The following NELL1 variants were observed in gnomAD, a reference collection of about 807,000 sequenced individuals.
NELL1 encodes the protein neural EGFL like 1.
A neutral mutation model predicts 107.4 loss-of-function variants in NELL1; 76 were observed. The observed-to-expected ratio is 0.71, with a 90% CI of 0.59 to 0.86. The LOEUF (loss-of-function observed/expected upper bound fraction) is 0.86, where lower values mean the gene tolerates loss of function less well. NELL1 is among the 40% of genes least tolerant of loss of function. The probability of loss-of-function intolerance (pLI) is 0.00; values close to 1 mark genes in which losing one functional copy is unlikely to be tolerated. For synonymous variants in NELL1, 353 were observed against 341.2 expected, an observed-to-expected ratio of 1.03 and a Z score of -0.38; for missense variants, 1,024 against 1,005.5, an observed-to-expected ratio of 1.02 and a Z score of -0.25.
At chr11:20,931,674 T>C (rs1473754130) in intron 9 of NELL1, among the ~76,000 whole-genome samples, 3 of 152,342 alleles carry the variant, frequency 2.0e-5, no homozygotes, top group East Asian at 3.9e-4. Flanking sequence ...CTGGATTGTA[T>C]TGTTTGGATT....
intron 14 of NELL1, among the ~76,000 whole-genome samples, chr11:21,343,660 C>T (rs1850623998): frequency 6.6e-6 from 1 of 152,034 alleles, no homozygotes; most frequent in Non-Finnish European, 1.5e-5. Context: ...TCAAAATTAC[C>T]CAGTTTTGCC....
chr11:21,129,674 A>G (rs776122272), intron 13 of NELL1, among the ~76,000 whole-genome samples: 1 of 152,236 alleles, frequency 6.6e-6, no homozygotes, highest in Admixed American at 6.5e-5. Context: ...CAAACACTGC[A>G]TGATTCCACT....
chr11:20,685,780 C>G (rs1854292616), intron 2 of NELL1, among the ~76,000 whole-genome samples: 1 of 151,912 alleles, frequency 6.6e-6, no homozygotes, highest in African/African-American at 2.4e-5. Flanking sequence ...CAGATTTTAA[C>G]CCAGAAGTAG....
At chr11:21,210,379 T>G (rs1320417756) in intron 13 of NELL1, among the ~76,000 whole-genome samples, 20 of 152,144 alleles carry the variant, frequency 1.3e-4, no homozygotes, top group Admixed American at 6.6e-5. Context: ...TTCCTCCATT[T>G]CTTGCCAACT....
intron 15 of NELL1, among the ~76,000 whole-genome samples, chr11:21,410,486 T>A (rs1440946853): frequency 6.6e-6 from 1 of 152,014 alleles, no homozygotes; most frequent in Middle Eastern, 3.2e-3. Context: ...TTATATTTTT[T>A]ATTCTTTTTT....
intron 12 of NELL1, among the ~76,000 whole-genome samples, chr11:21,087,438 G>A (rs879309085): frequency 6.6e-6 from 1 of 152,060 alleles, no homozygotes; most frequent in East Asian, 1.9e-4. Context: ...ATAGCAGAAT[G>A]CCAAAATTTA....
chr11:21,364,722 C>A (rs1159537292), intron 14 of NELL1, among the ~76,000 whole-genome samples: 1 of 152,046 alleles, frequency 6.6e-6, no homozygotes, highest in Non-Finnish European at 1.5e-5. Context: ...AACTGACTAA[C>A]TCAAATAATA....
At chr11:21,455,142 A>G (rs937664965) in intron 15 of NELL1, among the ~76,000 whole-genome samples, 8 of 152,114 alleles carry the variant, frequency 5.3e-5, no homozygotes, top group Non-Finnish European at 7.3e-5. Flanking sequence ...TTATGAAAAT[A>G]TATTCTCACT....
chr11:21,269,184 G>A (rs1036250438), intron 14 of NELL1, among the ~76,000 whole-genome samples: 1 of 152,034 alleles, frequency 6.6e-6, no homozygotes, highest in African/African-American at 2.4e-5. Flanking sequence ...CATAGAATGT[G>A]TAAATGCATA....
At chr11:20,814,634 C>CT (rs759324808) in intron 3 of NELL1, among the ~76,000 whole-genome samples, 27 of 152,168 alleles carry the variant, frequency 1.8e-4, no homozygotes, top group Non-Finnish European at 3.1e-4. Flanking sequence ...TAATTTCATT[C>CT]TTTTTTTTAT....
chr11:21,073,083 T>G (rs946452567), intron 12 of NELL1, among the ~76,000 whole-genome samples: 26 of 152,142 alleles, frequency 1.7e-4, no homozygotes, highest in African/African-American at 6.0e-4. Flanking sequence ...TGTAGGTGTC[T>G]CGTCAATTTG....
chr11:21,562,543 C>T (rs1423475362), intron 17 of NELL1, among the ~76,000 whole-genome samples: 1 of 152,016 alleles, frequency 6.6e-6, no homozygotes, highest in African/African-American at 2.4e-5. Context: ...TTCTGTAAGT[C>T]ACCATTATAA....
chr11:21,055,228 T>G (rs1853584985), intron 12 of NELL1, among the ~76,000 whole-genome samples: 2 of 152,124 alleles, frequency 1.3e-5, no homozygotes, highest in Admixed American at 1.3e-4. Flanking sequence ...ATGCTGTGTT[T>G]TTATCATCAG....
At chr11:21,196,044 C>T (rs982484443) in intron 13 of NELL1, among the ~76,000 whole-genome samples, 1 of 152,178 alleles carries the variant, frequency 6.6e-6, no homozygotes, top group African/African-American at 2.4e-5. Flanking sequence ...GTTTCTACAT[C>T]TTGTGTGTAT....
At chr11:21,187,267 G>T (rs576576855) in intron 13 of NELL1, among the ~76,000 whole-genome samples, 2 of 151,878 alleles carry the variant, frequency 1.3e-5, no homozygotes, top group East Asian at 3.9e-4. Context: ...ATGGAAAGAA[G>T]ACAGGAGAAC....
chr11:20,977,578 T>C (rs991024353), intron 12 of NELL1, among the ~76,000 whole-genome samples: 1 of 152,192 alleles, frequency 6.6e-6, no homozygotes, highest in Non-Finnish European at 1.5e-5. Context: ...AATTAAATCT[T>C]AGTCCAGATT....
chr11:21,078,674 ATACTGCATGGGTATGTGTGTATG>A (rs1854197476), intron 12 of NELL1, among the ~76,000 whole-genome samples: 1 of 152,162 alleles, frequency 6.6e-6, no homozygotes, highest in Non-Finnish European at 1.5e-5. Context: ...ATATACATGC[ATACTGCATGGGTATGTGTGTATG>A]TATATATTAT....
intron 2 of NELL1, among the ~76,000 whole-genome samples, chr11:20,751,383 A>G (rs1590259631): frequency 1.3e-5 from 2 of 152,254 alleles, no homozygotes; most frequent in East Asian, 3.9e-4. Context: ...ATCCATCAAC[A>G]TTGTCTATCA....
intron 14 of NELL1, among the ~76,000 whole-genome samples, chr11:21,285,128 T>C (rs182165302): frequency 2.6e-5 from 4 of 152,204 alleles, no homozygotes; most frequent in Admixed American, 6.5e-5. Flanking sequence ...CCAAAACTGA[T>C]TTTTTTCCCA....
Sources: gnomAD v4.1 joint callset for allele counts (sites outside exome capture counted in the v4.1 genomes callset) on GRCh38, gnomAD v4.1.1 for gene constraint, MANE v1.5 for transcripts, NCBI Gene and HGNC (gene_info 2026-07-23, HGNC 2026-07-21) for gene names.